Variants in CEP350 observed in about 807,000 individuals in gnomAD.
CEP350 encodes centrosomal protein 350.
A neutral mutation model predicts 331.8 loss-of-function variants in CEP350; 126 were observed. That is an observed-to-expected ratio of 0.38 (90% CI 0.33 to 0.44). The LOEUF is 0.44. CEP350 is among the 20% of genes least tolerant of loss of function. The probability of loss-of-function intolerance (pLI) is 1.00; values close to 1 mark genes in which losing one functional copy is unlikely to be tolerated. For missense variants in CEP350, 3,406 were observed against 3,634.6 expected, an observed-to-expected ratio of 0.94 and a Z score of 1.62; for synonymous variants, 1,200 against 1,259.5, an observed-to-expected ratio of 0.95 and a Z score of 1.00.
intron 15 of CEP350, 100 bp from the exon 16 acceptor site, chr1:180,033,762 A>T: frequency 8.4e-7 from 1 of 1,191,312 alleles, no homozygotes; most frequent in Non-Finnish European, 1.2e-6. Context: ...TTTTAAAGCT[A>T]ATGTTGATAG....
chr1:180,024,638 A>C, intron 14 of CEP350, 56 bp downstream of exon 14: 1 of 1,528,398 alleles, frequency 6.5e-7, no homozygotes, highest in South Asian at 1.2e-5. Flanking sequence ...TGTTGTAGTA[A>C]TCTAAAGTTA....
At chr1:180,079,088 G>A (rs1450800084) in intron 29 of CEP350, among the ~76,000 whole-genome samples, 4 of 151,882 alleles carry the variant, frequency 2.6e-5, no homozygotes, top group Admixed American at 2.0e-4. Context: ...CCTCTTAAAG[G>A]CAGCTCTGAA....
chr1:180,103,413 C>G (rs1660941917), intron 37 of CEP350, among the ~76,000 whole-genome samples: 2 of 152,096 alleles, frequency 1.3e-5, no homozygotes. Context: ...TTGGGGACTG[C>G]TTTTCATTAA....
intron 37 of CEP350, among the ~76,000 whole-genome samples, chr1:180,108,057 A>C (rs1389037148): frequency 6.6e-6 from 1 of 152,138 alleles, no homozygotes; most frequent in African/African-American, 2.4e-5. Flanking sequence ...ATAGTTGAAG[A>C]TCCAAATTGG....
At chr1:180,049,001 A>G (rs1657308098) in intron 22 of CEP350, among the ~76,000 whole-genome samples, 2 of 152,174 alleles carry the variant, frequency 1.3e-5, no homozygotes, top group South Asian at 2.1e-4. Flanking sequence ...CTAGGATATC[A>G]AGTCTACAGT....
At chr1:179,998,556 T>C (rs1224775743) in intron 6 of CEP350, among the ~76,000 whole-genome samples, 1 of 152,090 alleles carries the variant, frequency 6.6e-6, no homozygotes, top group African/African-American at 2.4e-5. Flanking sequence ...TCTGCTTGCC[T>C]CAGCCTCCCA....
chr1:180,035,444 C>A (rs1241819816), intron 16 of CEP350, among the ~76,000 whole-genome samples: 1 of 152,162 alleles, frequency 6.6e-6, no homozygotes, highest in Non-Finnish European at 1.5e-5. Context: ...TTCAAAGCTT[C>A]AAAGGATGAG....
rs1380644650 is a variant in CEP350, at chr1:180,078,530, A to G, written c.5835A>G (p.Pro1945=). 1.9e-5 allele frequency: 30 copies of G among 1,613,588 alleles called. No homozygotes were observed. The highest frequency in any genetic ancestry group is 2.5e-5 in the Non-Finnish European group (30 of 1,179,792). ...ATCTAAACAGTGAAAGCTCCATTCC[A>G]GAAGAATTAGGCAGCCCTGCTGTTG... ...YSHLNSESSI[P]EELGSPAVEY... Residue 1945 remains proline, a synonymous_variant, in exon 29 of 38, where the codon CCA becomes CCG. Transcript: ENST00000367607.
In CEP350 at chr1:180,093,438, T is replaced by C; in HGVS notation, c.7333T>C (p.Ser2445Pro). ...TGAGTGCCTAAGTGAGAAAAGCCTT[T>C]CTATCCATAGCAATGTTCATTCTGA... is the stretch of plus-strand genomic sequence containing the variant. ...ISECLSEKSL[S>P]IHSNVHSDRL... The change falls in exon 34 of 38, where the codon TCT (serine) becomes CCT (proline). Residue 2445 changes from serine to proline, a missense_variant. Coordinates refer to ENST00000367607, the MANE Select transcript of CEP350 (RefSeq NM_014810.5). 1.2e-6 allele frequency: 2 copies of C among 1,602,198 alleles called. No individual in the cohort carries two copies. Among genetic ancestry groups the C allele is most frequent in the Non-Finnish European group, 1.7e-6 (2 of 1,173,910 alleles).
intron 14 of CEP350, among the ~76,000 whole-genome samples, chr1:180,027,448 G>T (rs760863328): frequency 6.6e-6 from 1 of 152,008 alleles, no homozygotes; most frequent in Non-Finnish European, 1.5e-5. Context: ...GTGTGATCAC[G>T]GCTTATGGCT....
chr1:180,044,609 T>C (rs145288274), intron 21 of CEP350, among the ~76,000 whole-genome samples: 1 of 134,840 alleles, frequency 7.4e-6, no homozygotes, highest in Non-Finnish European at 1.5e-5. Flanking sequence ...TTCTCACTCA[T>C]AGGTGGGAAT....
intron 28 of CEP350, 49 bp downstream of exon 28, chr1:180,075,270 T>C: frequency 1.3e-6 from 2 of 1,490,866 alleles, no homozygotes; most frequent in Non-Finnish European, 1.8e-6. Context: ...CCTAACATAA[T>C]TGAAAGATAT....
At chr1:179,982,395 A>G (rs1317061176) in intron 1 of CEP350, among the ~76,000 whole-genome samples, 1 of 152,214 alleles carries the variant, frequency 6.6e-6, no homozygotes, top group Non-Finnish European at 1.5e-5. Context: ...TCTCATTATT[A>G]GTGGGGGATA....
chr1:180,098,869 A>G lies in CEP350; in HGVS notation c.9073A>G (p.Ile3025Val), dbSNP rs1282577010. 2.5e-6 allele frequency: 4 copies of G among 1,612,780 alleles called. No homozygotes were observed. The highest frequency in any genetic ancestry group is 2.2e-5 in the East Asian group (1 of 44,836). Reference sequence around the variant, plus strand: ...ATTTGTCTTGTTTCCACAGAGCTTCATAGCAAGTGAAGTACTCAAGTTGTT... The same window carrying G: ...ATTTGTCTTGTTTCCACAGAGCTTCGTAGCAAGTGAAGTACTCAAGTTGTT... ...PNNLDEIKSF[I>V]ASEVLKLFSL... The change falls in exon 37 of 38, where the codon ATA (isoleucine) becomes GTA (valine). Residue 3025 changes from isoleucine (I) to valine (V), a missense_variant. Ile to Val is a conservative substitution (Grantham distance 29, BLOSUM62 3). Coordinates refer to ENST00000367607, the MANE Select transcript of CEP350 (RefSeq NM_014810.5).
At chr1:180,021,066 A>C (rs1031368435) in intron 12 of CEP350, 57 bp downstream of exon 12, 2 of 1,390,582 alleles carry the variant, frequency 1.4e-6, no homozygotes, top group African/African-American at 2.9e-5. Context: ...TTATTTTATA[A>C]TTTCTGTATG....
At chr1:179,969,358 G>A in intron 1 of CEP350, 2 of 515,642 alleles carry the variant, frequency 3.9e-6, no homozygotes, top group South Asian at 2.8e-5. Context: ...ACACTACTCA[G>A]CCTGAGGTTG....
chr1:179,963,562 T>G (rs1650786572), intron 1 of CEP350, among the ~76,000 whole-genome samples: 1 of 152,020 alleles, frequency 6.6e-6, no homozygotes, highest in Non-Finnish European at 1.5e-5. Flanking sequence ...TTTTTGGGTT[T>G]TTTTTTCTTT....
chr1:179,958,577 C>T (rs1444721889), intron 1 of CEP350, among the ~76,000 whole-genome samples: 2 of 152,154 alleles, frequency 1.3e-5, no homozygotes, highest in Non-Finnish European at 1.5e-5. Flanking sequence ...TGGAACCATG[C>T]GGTGGACCTT....
intron 1 of CEP350, among the ~76,000 whole-genome samples, chr1:179,972,298 C>G (rs560057187): frequency 5.9e-5 from 9 of 152,052 alleles, no homozygotes; most frequent in Admixed American, 5.2e-4. Context: ...AGCTGAAGGT[C>G]AAATCCTCCT....
Sources: allele counts gnomAD v4.1 joint callset (sites outside exome capture counted in the v4.1 genomes callset), GRCh38; gene constraint gnomAD v4.1.1; transcripts MANE v1.5; gene names NCBI Gene and HGNC (gene_info 2026-07-23, HGNC 2026-07-21).